Variants in SUGCT observed in about 807,000 individuals in gnomAD.
SUGCT encodes the protein succinyl-CoA:glutarate CoA-transferase.
Under a neutral mutation model 55.0 loss-of-function variants are expected in SUGCT, and 41 were observed. The ratio of observed to expected loss-of-function variants is 0.74; its 90% CI spans 0.58 to 0.97. SUGCT has a LOEUF of 0.97. Ranked by LOEUF, SUGCT falls within the 50% of genes least tolerant of loss-of-function variation. The pLI, the probability that SUGCT is intolerant of heterozygous loss-of-function variation, is 0.00. For synonymous variants in SUGCT, 187 were observed against 200.4 expected (o/e 0.93, Z 0.56); for missense variants, 568 against 547.8 (o/e 1.04, Z -0.37).
At chr7:40,368,682 G>A (rs1253984494) in intron 9 of SUGCT, among the ~76,000 whole-genome samples, 1 of 152,172 alleles carries the variant, frequency 6.6e-6, no homozygotes, top group Admixed American at 6.6e-5. Context: ...TCTGAACTAG[G>A]CATGAAACCT....
chr7:40,170,372 A>G (rs1015163089), intron 1 of SUGCT, among the ~76,000 whole-genome samples: 5 of 152,216 alleles, frequency 3.3e-5, no homozygotes, highest in African/African-American at 9.6e-5. Flanking sequence ...CATCAGGGTT[A>G]TCTGAGAATT....
At chr7:40,722,773 TATC>T (rs1437236875) in intron 12 of SUGCT, among the ~76,000 whole-genome samples, 4 of 152,232 alleles carry the variant, frequency 2.6e-5, no homozygotes, top group Non-Finnish European at 4.4e-5. Flanking sequence ...TCTGTTGTCT[TATC>T]ATATCTTTTC....
chr7:40,452,745 C>T (rs1789258741), intron 10 of SUGCT, among the ~76,000 whole-genome samples: 1 of 152,144 alleles, frequency 6.6e-6, no homozygotes, highest in South Asian at 2.1e-4. Context: ...AGGCCTTGCT[C>T]ATGTGCACTT....
At chr7:40,708,082 G>C (rs1431570310) in intron 12 of SUGCT, among the ~76,000 whole-genome samples, 1 of 152,090 alleles carries the variant, frequency 6.6e-6, no homozygotes, top group Non-Finnish European at 1.5e-5. Flanking sequence ...TCAGCTTCAG[G>C]AATAGAATGT....
chr7:40,858,402 T>C (rs1454188916), intron 13 of SUGCT, among the ~76,000 whole-genome samples: 2 of 22,088 alleles, frequency 9.1e-5, no homozygotes, highest in East Asian at 1.5e-3. Context: ...AAATTCCATC[T>C]CAAAAAAAAA....
chr7:41,010,967 AAAAC>A, the SUGCT span, among the ~76,000 whole-genome samples: 6 of 152,202 alleles, frequency 3.9e-5, no homozygotes, highest in Non-Finnish European at 5.9e-5. Flanking sequence ...GAATGGTTAA[AAAAC>A]AAACAAACAA....
chr7:40,151,076 A>G (rs1262007803), intron 1 of SUGCT, among the ~76,000 whole-genome samples: 1 of 152,062 alleles, frequency 6.6e-6, no homozygotes, highest in African/African-American at 2.4e-5. Flanking sequence ...CTCTACTAAA[A>G]TACACACAAA....
intron 6 of SUGCT, among the ~76,000 whole-genome samples, chr7:40,227,863 T>C (rs1057266917): frequency 7.4e-5 from 11 of 148,238 alleles, no homozygotes; most frequent in Admixed American, 6.6e-5. Flanking sequence ...TTATTTGTTA[T>C]TTATTTATTT....
intron 9 of SUGCT, among the ~76,000 whole-genome samples, chr7:40,330,507 C>A (rs1796249294): frequency 6.6e-6 from 1 of 151,572 alleles, no homozygotes; most frequent in East Asian, 1.9e-4. Flanking sequence ...GGATGCCTAG[C>A]TTGAGAAAAG....
intron 13 of SUGCT, among the ~76,000 whole-genome samples, chr7:40,826,655 A>T (rs1203030293): frequency 6.6e-6 from 1 of 152,176 alleles, no homozygotes; most frequent in Admixed American, 6.5e-5. Flanking sequence ...GTGACCATTT[A>T]AACAGTATGT....
At chr7:40,683,378 C>G (rs1041510080) in intron 12 of SUGCT, among the ~76,000 whole-genome samples, 3 of 152,150 alleles carry the variant, frequency 2.0e-5, no homozygotes, top group African/African-American at 7.2e-5. Flanking sequence ...AAGACCACCC[C>G]CTTCCTTTCT....
At chr7:40,934,335 C>G in the SUGCT span, among the ~76,000 whole-genome samples, 1 of 152,156 alleles carries the variant, frequency 6.6e-6, no homozygotes, top group Non-Finnish European at 1.5e-5. Flanking sequence ...GGGCACCTAC[C>G]TGTATGAGGT....
At chr7:40,204,597 C>T (rs899569197) in intron 6 of SUGCT, among the ~76,000 whole-genome samples, 5 of 152,062 alleles carry the variant, frequency 3.3e-5, no homozygotes, top group South Asian at 4.2e-4. Context: ...CCACTGCATC[C>T]GGCCTGGGAA....
At chr7:40,754,527 G>A (rs768114982) in intron 13 of SUGCT, among the ~76,000 whole-genome samples, 3 of 152,134 alleles carry the variant, frequency 2.0e-5, no homozygotes, top group South Asian at 2.1e-4. Context: ...CCAGTCCCTC[G>A]TGGAGCTTAT....
At chr7:40,213,492 C>A (rs372844965) in intron 6 of SUGCT, among the ~76,000 whole-genome samples, 1 of 152,132 alleles carries the variant, frequency 6.6e-6, no homozygotes, top group Non-Finnish European at 1.5e-5. Context: ...TCACTGATGA[C>A]GTTAACTTTG....
At chr7:40,225,389 G>T (rs1167980106) in intron 6 of SUGCT, among the ~76,000 whole-genome samples, 1 of 151,378 alleles carries the variant, frequency 6.6e-6, no homozygotes, top group East Asian at 1.9e-4. Flanking sequence ...GGTTATTGAT[G>T]TAGTAAACCA....
At chr7:40,502,824 A>G (rs1792362854) in intron 12 of SUGCT, among the ~76,000 whole-genome samples, 1 of 152,072 alleles carries the variant, frequency 6.6e-6, no homozygotes, top group Non-Finnish European at 1.5e-5. Flanking sequence ...TTTAATTTTC[A>G]TTTGTTAGCC....
intron 8 of SUGCT, among the ~76,000 whole-genome samples, chr7:40,311,125 G>A (rs1795125121): frequency 6.6e-6 from 1 of 152,140 alleles, no homozygotes; most frequent in Non-Finnish European, 1.5e-5. Context: ...CAGCAGGACT[G>A]TGGGAGTTAA....
At chr7:40,999,138 C>T in the SUGCT span, among the ~76,000 whole-genome samples, 10 of 151,852 alleles carry the variant, frequency 6.6e-5, no homozygotes, top group Non-Finnish European at 1.3e-4. Flanking sequence ...GCCTGGAGAT[C>T]GATCTTCATA....
Sources: gnomAD v4.1 joint callset for allele counts (sites outside exome capture counted in the v4.1 genomes callset) on GRCh38, gnomAD v4.1.1 for gene constraint, MANE v1.5 for transcripts, NCBI Gene and HGNC (gene_info 2026-07-23, HGNC 2026-07-21) for gene names.